GRID2: variants seen among roughly 807,000 people sequenced by gnomAD.
GRID2 encodes the protein glutamate ionotropic receptor delta type subunit 2.
GRID2 carries 33 observed loss-of-function variants against 114.8 expected under a neutral mutation model. The ratio of observed to expected loss-of-function variants is 0.29; its 90% confidence interval spans 0.22 to 0.38. The LOEUF (loss-of-function observed/expected upper bound fraction) is 0.38. Among genes scored for constraint, GRID2 ranks in the 10% least tolerant of loss-of-function variants. The pLI is 1.00. For missense variants in GRID2, 1,184 were observed against 1,257.7 expected, an observed-to-expected ratio of 0.94 and a Z score of 0.89; for synonymous variants, 505 against 449.9, an observed-to-expected ratio of 1.12 and a Z score of -1.55.
intron 10 of GRID2, among the ~76,000 whole-genome samples, chr4:93,443,362 A>C (rs537091347): frequency 6.6e-6 from 1 of 152,136 alleles, no homozygotes; most frequent in African/African-American, 2.4e-5. Flanking sequence ...AGTATTGCTT[A>C]GGTATAAATC....
At chr4:92,367,032 G>A (rs1728903149) in intron 1 of GRID2, among the ~76,000 whole-genome samples, 1 of 151,890 alleles carries the variant, frequency 6.6e-6, no homozygotes, top group Admixed American at 6.6e-5. Context: ...TCTTTTTGTG[G>A]CTCCTACCAT....
At chr4:93,348,011 G>T (rs1046847252) in intron 8 of GRID2, among the ~76,000 whole-genome samples, 1 of 152,060 alleles carries the variant, frequency 6.6e-6, no homozygotes, top group Admixed American at 6.6e-5. Context: ...ATAAATCTGG[G>T]TCTTTATATA....
intron 8 of GRID2, among the ~76,000 whole-genome samples, chr4:93,389,199 T>C (rs1052050020): frequency 3.3e-5 from 5 of 152,148 alleles, no homozygotes; most frequent in African/African-American, 1.2e-4. Flanking sequence ...AGTGAGAATT[T>C]AATGTGATTT....
chr4:93,657,334 AC>A (rs1182137360), intron 14 of GRID2, among the ~76,000 whole-genome samples: 22 of 152,182 alleles, frequency 1.4e-4, no homozygotes, highest in Admixed American at 1.4e-3. Context: ...AGGATACTGT[AC>A]ATATTTTAAC....
chr4:93,759,362 A>C (rs1031517861), intron 14 of GRID2, among the ~76,000 whole-genome samples: 11 of 152,206 alleles, frequency 7.2e-5, no homozygotes, highest in African/African-American at 2.4e-4. Flanking sequence ...ATTTTCTACC[A>C]AATAACATGT....
intron 2 of GRID2, among the ~76,000 whole-genome samples, chr4:92,955,595 T>C (rs1213869204): frequency 3.3e-5 from 5 of 152,170 alleles, no homozygotes; most frequent in African/African-American, 1.2e-4. Context: ...TAGTTTCTTT[T>C]GCTGTGCAGA....
At chr4:93,514,635 A>G (rs1323298490) in intron 12 of GRID2, among the ~76,000 whole-genome samples, 3 of 152,084 alleles carry the variant, frequency 2.0e-5, no homozygotes, top group Admixed American at 2.0e-4. Flanking sequence ...CTCTTCCTCT[A>G]TAAAATGGGT....
intron 1 of GRID2, among the ~76,000 whole-genome samples, chr4:92,450,223 T>C (rs1392740552): frequency 6.6e-6 from 1 of 152,060 alleles, no homozygotes; most frequent in Non-Finnish European, 1.5e-5. Context: ...TGTACCTATC[T>C]TGTGCCTGAT....
intron 2 of GRID2, among the ~76,000 whole-genome samples, chr4:93,061,196 G>GTTTT (rs752045329): frequency 0.11 from 12,467 of 112,482 alleles, 1,042 homozygotes; most frequent in East Asian, 0.23. Flanking sequence ...GGTTTTTCTT[G>GTTTT]TTTTTTTTTT....
At chr4:92,946,145 T>G (rs1751612033) in intron 2 of GRID2, among the ~76,000 whole-genome samples, 1 of 152,116 alleles carries the variant, frequency 6.6e-6, no homozygotes, top group African/African-American at 2.4e-5. Flanking sequence ...TTCCTTAAAA[T>G]GATTCATTGA....
intron 1 of GRID2, among the ~76,000 whole-genome samples, chr4:92,550,255 T>G (rs1487693627): frequency 6.6e-6 from 1 of 152,298 alleles, no homozygotes; most frequent in Non-Finnish European, 1.5e-5. Flanking sequence ...ACATAGATTA[T>G]ATTTTTTGTT....
chr4:93,395,650 C>A lies in GRID2; in HGVS notation c.1289C>A (p.Thr430Asn). 6.3e-7 allele frequency: 1 copy of A among 1,588,226 alleles called. No individual in the cohort carries two copies. Among genetic ancestry groups the A allele is most frequent in the Non-Finnish European group, 8.6e-7 (1 of 1,157,068 alleles). ...GTCACAGGTCTGAATGGGTCACTGA[C>A]TGACAAGAAATTGGAGAATAACATG... Reference protein sequence around the residue: ...NPVTGLNGSLTDKKLENNMRG... With the variant: ...NPVTGLNGSLNDKKLENNMRG... Residue 430 changes from threonine (T) to asparagine (N), a missense_variant, in exon 9 of 16, where the codon ACT becomes AAT. By Grantham distance (65) the Thr-to-Asn change is moderately conservative. Transcript: ENST00000282020.
At chr4:93,033,470 GT>G (rs1333886450) in intron 2 of GRID2, among the ~76,000 whole-genome samples, 2 of 152,130 alleles carry the variant, frequency 1.3e-5, no homozygotes, top group Non-Finnish European at 2.9e-5. Flanking sequence ...ATGGAGTATT[GT>G]GAATCAGGAA....
intron 1 of GRID2, among the ~76,000 whole-genome samples, chr4:92,318,308 ATTTTTT>A (rs201137595): frequency 7.6e-6 from 1 of 130,904 alleles, no homozygotes; most frequent in Non-Finnish European, 1.5e-5. Context: ...ATATATATAT[ATTTTTT>A]TTTTTTTTTT....
intron 2 of GRID2, among the ~76,000 whole-genome samples, chr4:92,936,481 G>A (rs1340462121): frequency 2.1e-5 from 3 of 145,786 alleles, no homozygotes; most frequent in African/African-American, 4.9e-5. Context: ...TCCTGAAAAA[G>A]ATCAACACAT....
chr4:92,385,447 G>T (rs1237025124), intron 1 of GRID2, among the ~76,000 whole-genome samples: 1 of 151,668 alleles, frequency 6.6e-6, no homozygotes, highest in Non-Finnish European at 1.5e-5. Flanking sequence ...ATTAAAAATT[G>T]ACTCATGCTT....
chr4:92,968,381 A>G (rs547702718), intron 2 of GRID2, among the ~76,000 whole-genome samples: 1 of 151,954 alleles, frequency 6.6e-6, no homozygotes, highest in East Asian at 1.9e-4. Flanking sequence ...ACTATTCTGG[A>G]TTGCATGTCT....
intron 13 of GRID2, among the ~76,000 whole-genome samples, chr4:93,600,243 T>A (rs913633095): frequency 3.3e-5 from 5 of 152,018 alleles, no homozygotes; most frequent in South Asian, 2.1e-4. Flanking sequence ...ACAAAAAAAA[T>A]TCTACTTATC....
chr4:92,471,429 A>T (rs531842237), intron 1 of GRID2, among the ~76,000 whole-genome samples: 1 of 152,076 alleles, frequency 6.6e-6, no homozygotes, highest in Non-Finnish European at 1.5e-5. Flanking sequence ...AAGTCATTAC[A>T]ATAGCAAAAC....
Sources: gnomAD v4.1 joint callset for allele counts (sites outside exome capture counted in the v4.1 genomes callset) on GRCh38, gnomAD v4.1.1 for gene constraint, MANE v1.5 for transcripts, NCBI Gene and HGNC (gene_info 2026-07-23, HGNC 2026-07-21) for gene names.